TRPV2: variants seen among roughly 807,000 people sequenced by gnomAD.
The protein encoded by TRPV2 is OTRPC2.
TRPV2 carries 58 observed loss-of-function variants against 91.0 expected under a neutral mutation model. That is an observed-to-expected ratio of 0.64 (90% CI 0.52 to 0.79). The LOEUF (loss-of-function observed/expected upper bound fraction) is 0.79, where lower values mean the gene tolerates loss of function less well. Among genes scored for constraint, TRPV2 ranks in the 30% least tolerant of loss-of-function variants. TRPV2 has a pLI of 0.00. For synonymous variants in TRPV2, 417 were observed against 414.8 expected (o/e 1.01, Z -0.06); for missense variants, 807 against 969.6 (o/e 0.83, Z 2.23).
intron 13 of TRPV2, 26 bp from the exon 14 acceptor site, chr17:16,434,864 C>CT (rs1328217745): frequency 8.1e-6 from 13 of 1,607,998 alleles, no homozygotes; most frequent in Non-Finnish European, 1.0e-5. Flanking sequence ...AGCAGGCAAA[C>CT]CTCAGAGCTG....
chr17:16,428,284 T>A, intron 8 of TRPV2, 33 bp from the exon 9 acceptor site: 1 of 1,610,686 alleles, frequency 6.2e-7, no homozygotes, highest in East Asian at 2.2e-5. Context: ...GGAGAGCAGG[T>A]TTCACAGCCC....
chr17:16,427,962 C>A (rs1273786113), intron 8 of TRPV2, among the ~76,000 whole-genome samples: 3 of 152,168 alleles, frequency 2.0e-5, no homozygotes, highest in Non-Finnish European at 4.4e-5. Flanking sequence ...ACAGGCTGGA[C>A]ACCAAGACAT....
At chr17:16,430,152 A>G (rs1178265955) in intron 10 of TRPV2, among the ~76,000 whole-genome samples, 1 of 151,992 alleles carries the variant, frequency 6.6e-6, no homozygotes, top group Non-Finnish European at 1.5e-5. Context: ...GGCATGAGCT[A>G]CTGCGCCTGG....
intron 2 of TRPV2, 121 bp from the exon 3 acceptor site, chr17:16,419,986 ACTGGGCTC>A: frequency 1.5e-6 from 2 of 1,352,740 alleles, no homozygotes; most frequent in Non-Finnish European, 2.0e-6. Context: ...AAGGGCTCTC[ACTGGGCTC>A]CTGGGCCTGA....
At chr17:16,422,975 G>A in intron 4 of TRPV2, 86 bp downstream of exon 4, 1 of 1,453,858 alleles carries the variant, frequency 6.9e-7, no homozygotes. Context: ...GACAGAGCTG[G>A]CAGTTAAACC....
chr17:16,423,890 A>T, intron 5 of TRPV2, 123 bp downstream of exon 5: 1 of 925,432 alleles, frequency 1.1e-6, no homozygotes, highest in South Asian at 2.4e-5. Context: ...TCAATGGAAC[A>T]CTCCTGTTAG....
chr17:16,423,796 C>T (rs763272862), intron 5 of TRPV2, 29 bp downstream of exon 5: 7 of 1,529,508 alleles, frequency 4.6e-6, no homozygotes, highest in Admixed American at 3.7e-5. Context: ...CCCACTTCCC[C>T]TCTCCAGGAA....
At chr17:16,423,227 G>A (rs2093366635) in intron 4 of TRPV2, among the ~76,000 whole-genome samples, 1 of 152,256 alleles carries the variant, frequency 6.6e-6, no homozygotes, top group Non-Finnish European at 1.5e-5. Flanking sequence ...GAAAGAAATA[G>A]GGGCTGCTAG....
rs1009036630 is a variant in TRPV2, at chr17:16,427,698, C to G, written c.1350+151C>G. On this transcript the variant is annotated intron_variant, in intron 8 of 14. Transcript: ENST00000338560. Reference sequence around the variant, plus strand: ...TGAAGCTGAGGGCCAGAGGTTCTGGCCTTGCCTTCTGAGTCCCCAGGAACC... The same window carrying G: ...TGAAGCTGAGGGCCAGAGGTTCTGGGCTTGCCTTCTGAGTCCCCAGGAACC... The G allele has an allele frequency of 8.4e-6, 6 of 712,060 alleles. No homozygotes were observed. The East Asian group carries it at 1.7e-4, about 20-fold the overall frequency. The allele number at this position is 712,060 out of a possible 1,614,324, so 44.1% of individuals were successfully genotyped here.
intron 2 of TRPV2, among the ~76,000 whole-genome samples, chr17:16,418,932 C>T (rs2093343602): frequency 6.6e-6 from 1 of 151,922 alleles, no homozygotes; most frequent in South Asian, 2.1e-4. Flanking sequence ...AAAAAGTCTA[C>T]CCTTGAAATC....
At chr17:16,433,814 A>G in intron 13 of TRPV2, 116 bp downstream of exon 13, 1 of 1,441,654 alleles carries the variant, frequency 6.9e-7, no homozygotes, top group Admixed American at 2.2e-5. Flanking sequence ...GGGCAGGCCC[A>G]AAGAGCACCA....
At chr17:16,433,816 A>G in intron 13 of TRPV2, 118 bp downstream of exon 13, 7 of 1,435,090 alleles carry the variant, frequency 4.9e-6, no homozygotes, top group Non-Finnish European at 6.5e-6. Flanking sequence ...GCAGGCCCAA[A>G]GAGCACCAGG....
chr17:16,429,035 G>T, intron 10 of TRPV2, 53 bp downstream of exon 10: 1 of 1,592,302 alleles, frequency 6.3e-7, no homozygotes, highest in East Asian at 2.2e-5. Flanking sequence ...CAGGCAAGAA[G>T]AGCCTTCCTC....
At chr17:16,423,819 A>C in intron 5 of TRPV2, 52 bp downstream of exon 5, 70 of 1,480,418 alleles carry the variant, frequency 4.7e-5, no homozygotes, top group Non-Finnish European at 5.7e-5. Context: ...AGTAGGTCTC[A>C]TCCCAAAATT....
intron 2 of TRPV2, 91 bp downstream of exon 2, chr17:16,417,959 C>A: frequency 1.6e-6 from 2 of 1,264,854 alleles, no homozygotes; most frequent in Non-Finnish European, 2.2e-6. Flanking sequence ...AGTCCAGCAC[C>A]AGTGCCCCTT....
rs940576228 is a variant in TRPV2, at chr17:16,426,897, G to C, written c.1251+20G>C. 2.5e-6 allele frequency: 4 copies of C among 1,607,970 alleles called. No individual in the cohort carries two copies. Among genetic ancestry groups the C allele is most frequent in the Non-Finnish European group, 2.5e-6 (3 of 1,177,138 alleles). ...AAGAAGGCAAGGGCGTGAGGTTTGG[G>C]GGGGCACATCTTGGGGGAGGCCTGC... On this transcript the variant is annotated intron_variant, in intron 7 of 14. Coordinates refer to ENST00000338560, the MANE Select transcript of TRPV2 (RefSeq NM_016113.5). This position sits in a 1 kb window ranked among gnomAD's most constrained non-coding sequence, Gnocchi z 6.0.
chr17:16,422,559 T>A, intron 3 of TRPV2, 40 bp from the exon 4 acceptor site: 2 of 1,589,960 alleles, frequency 1.3e-6, no homozygotes, highest in Non-Finnish European at 1.7e-6. Flanking sequence ...ACTCCAGGTC[T>A]CAGCACCACT....
chr17:16,422,976 C>T (rs749186778), intron 4 of TRPV2, 87 bp downstream of exon 4: 94 of 1,444,026 alleles, frequency 6.5e-5, no homozygotes, highest in Non-Finnish European at 7.9e-5. Flanking sequence ...ACAGAGCTGG[C>T]AGTTAAACCT....
intron 3 of TRPV2, 32 bp from the exon 4 acceptor site, chr17:16,422,567 A>T: frequency 6.3e-7 from 1 of 1,598,846 alleles, no homozygotes; most frequent in Non-Finnish European, 8.5e-7. Context: ...TCTCAGCACC[A>T]CTGTGCCCCT....
Sources: gnomAD v4.1 joint callset for allele counts (sites outside exome capture counted in the v4.1 genomes callset) on GRCh38, gnomAD v4.1.1 for gene constraint, Gnocchi (gnomAD v3.1) non-coding constraint, MANE v1.5 for transcripts, NCBI Gene and HGNC (gene_info 2026-07-23, HGNC 2026-07-21) for gene names.